The following WDR47 variants were observed in gnomAD, a reference collection of about 807,000 sequenced individuals.
WDR47 encodes WD repeat domain 47.
A neutral mutation model predicts 97.2 loss-of-function variants in WDR47; 32 were observed. The ratio of observed to expected loss-of-function variants is 0.33; its 90% CI spans 0.25 to 0.44. The LOEUF is 0.44. Among genes scored for constraint, WDR47 ranks in the 20% least tolerant of loss-of-function variants. WDR47 has a pLI of 1.00. For synonymous variants in WDR47, 375 were observed against 373.5 expected, an observed-to-expected ratio of 1.00 and a Z score of -0.05; for missense variants, 782 against 1,102.3, an observed-to-expected ratio of 0.71 and a Z score of 4.11.
intron 2 of WDR47, among the ~76,000 whole-genome samples, chr1:109,023,134 C>T (rs552598789): frequency 6.6e-6 from 1 of 151,848 alleles, no homozygotes; most frequent in South Asian, 2.1e-4. Context: ...ACCCGGGAGG[C>T]GGAGCTTGCA....
Position 109,027,432 on chromosome 1 carries a change from A to G in WDR47, c.-9-3911T>C, listed in dbSNP as rs186530048. On this transcript the variant is annotated intron_variant, in intron 1 of 14. Coordinates refer to ENST00000369962, the MANE Select transcript of WDR47 (RefSeq NM_001142551.2). ...AGGCATAGGCACATGCTTGATGACTATATCTTAGAATTATTCTCTTCTAAC... is the reference window on the plus strand; with the variant it reads ...AGGCATAGGCACATGCTTGATGACTGTATCTTAGAATTATTCTCTTCTAAC... 3.1e-3 allele frequency among the ~76,000 whole-genome samples: 476 copies of G among 152,278 alleles called. 2 individuals carry two copies. The highest frequency in any genetic ancestry group is 6.0e-3 in the Admixed American group (91 of 15,272).
chr1:109,011,046 G>T lies in WDR47; in HGVS notation c.1000C>A (p.Leu334Ile), dbSNP rs762307208. The stretch of plus-strand genomic sequence containing the variant: ...GACATTGGAGAAGTTTTGTTTCCAA[G>T]GTCTGAAATTCTCTTATCATGACTG... ...LTSHDKRISD[L>I]GNKTSPMSHS... Residue 334 changes from leucine (L) to isoleucine (I), a missense_variant, in exon 5 of 15, where the codon CTT becomes ATT. Transcript: ENST00000369962. The T allele has an allele frequency of 6.2e-7, 1 of 1,613,990 alleles. No homozygotes were observed. The highest frequency in any genetic ancestry group is 1.3e-5 in the African/African-American group (1 of 74,894).
chr1:108,980,905 A>G lies in WDR47; in HGVS notation c.2398+828T>C, dbSNP rs9803642. Among the ~76,000 whole-genome samples, 1,371 of 152,188 alleles carry G rather than the reference A, an allele frequency of 9.0e-3. 26 individuals are homozygous for G. Among genetic ancestry groups the G allele is most frequent in the African/African-American group, 0.032 (1,315 of 41,506 alleles). ...CACTGTGGGAGGCTGAGGCAAGCAG[A>G]TCATGAGGATAGGAGATCAAGACCA... is the stretch of plus-strand genomic sequence containing the variant. On this transcript the variant is annotated intron_variant, in intron 13 of 14. Transcript: ENST00000369962.
At chr1:108,996,386 A>G (rs1173236428) in intron 7 of WDR47, among the ~76,000 whole-genome samples, 1 of 152,176 alleles carries the variant, frequency 6.6e-6, no homozygotes, top group Admixed American at 6.6e-5. Flanking sequence ...CAGCTTTTAC[A>G]ATAAAAACAG....
At position 109,042,023 on chromosome 1, in the gene WDR47, C is replaced by CCAT. The variant is rs1557974631; in HGVS notation, c.-174_-172dup. 2 of 152,452 alleles carry CCAT rather than the reference C, an allele frequency of 1.3e-5. No homozygotes were observed. Among genetic ancestry groups the CCAT allele is most frequent in the Admixed American group, 1.3e-4 (2 of 15,280 alleles). 9.4% of individuals were successfully genotyped at this position (152,452 alleles called of 1,614,324 possible). ...TCCCTCCTACCGCCCGCGCGTCAAT[C>CCAT]CATCAGTTCGTCAATCCGTCCTTCT... On this transcript the variant is annotated 5_prime_UTR_variant, in exon 1 of 15. The change creates a new upstream start codon in the 5' untranslated region. Transcript: ENST00000369962.
At chr1:109,025,330 C>T (rs1222876931) in intron 1 of WDR47, among the ~76,000 whole-genome samples, 1 of 150,530 alleles carries the variant, frequency 6.6e-6, no homozygotes, top group African/African-American at 2.5e-5. Context: ...ACTCAGGAGG[C>T]TGAGGTGGAA....
chr1:109,034,640 A>G (rs1571263446), intron 1 of WDR47, among the ~76,000 whole-genome samples: 2 of 152,114 alleles, frequency 1.3e-5, no homozygotes, highest in East Asian at 3.9e-4. Flanking sequence ...CGGACCCTAC[A>G]TATGAGGGAT....
At chr1:109,033,067 A>AGGT (rs1662709148) in intron 1 of WDR47, among the ~76,000 whole-genome samples, 1 of 151,232 alleles carries the variant, frequency 6.6e-6, no homozygotes, top group South Asian at 2.1e-4. Flanking sequence ...AGGCCAAGGC[A>AGGT]GGTGGATCAT....
Position 108,974,570 on chromosome 1 carries a change from A to G in WDR47, c.2583T>C (p.Ser861=). The change falls in exon 14 of 15, where the codon TCT becomes TCC. Residue 861 remains serine, a synonymous_variant. Coordinates refer to ENST00000369962, the MANE Select transcript of WDR47 (RefSeq NM_001142551.2). ...CTGTCACCTTTATTTTCATATCATA[A>G]GAGCCTGTTAGCAAGTAGTGAGCTC... The part of the protein sequence containing the change: ...SPGAHYLLTG[S]YDMKIKVTDL... The G allele has an allele frequency of 6.2e-7, 1 of 1,614,126 alleles. No individual in the cohort carries two copies.
intron 10 of WDR47, among the ~76,000 whole-genome samples, chr1:108,985,244 T>C (rs1037307821): frequency 1.3e-5 from 2 of 152,196 alleles, no homozygotes; most frequent in Non-Finnish European, 2.9e-5. Context: ...TCTGCGGCCT[T>C]ATCAAACTCA....
intron 9 of WDR47, among the ~76,000 whole-genome samples, chr1:108,988,156 G>A (rs1658994489): frequency 6.9e-6 from 1 of 144,996 alleles, no homozygotes; most frequent in Admixed American, 7.0e-5. Flanking sequence ...GAGGTGGGAG[G>A]ATCGATTGAG....
intron 1 of WDR47, among the ~76,000 whole-genome samples, chr1:109,027,000 A>T (rs1662258553): frequency 6.6e-6 from 1 of 152,148 alleles, no homozygotes; most frequent in Non-Finnish European, 1.5e-5. Context: ...AAAAAAGACA[A>T]GTTTTAATTC....
intron 1 of WDR47, chr1:109,030,094 C>G (rs1662515352): frequency 5.5e-6 from 5 of 902,052 alleles, no homozygotes; most frequent in Non-Finnish European, 8.0e-6. Flanking sequence ...CTCCTTCATC[C>G]CTCCCCAGAA....
chr1:109,005,103 A>G (rs1660496766), intron 5 of WDR47, among the ~76,000 whole-genome samples: 1 of 152,024 alleles, frequency 6.6e-6, no homozygotes, highest in Non-Finnish European at 1.5e-5. Context: ...AGAAATTTTA[A>G]TTTTAAAAAA....
intron 1 of WDR47, among the ~76,000 whole-genome samples, chr1:109,035,816 CTTT>C (rs200992563): frequency 1.4e-5 from 2 of 143,472 alleles, no homozygotes; most frequent in Admixed American, 7.0e-5. Context: ...TTTGTATCTT[CTTT>C]TTTTTTTTTT....
At chr1:108,997,506 C>G (rs2101885885) in intron 7 of WDR47, among the ~76,000 whole-genome samples, 1 of 151,692 alleles carries the variant, frequency 6.6e-6, no homozygotes, top group East Asian at 1.9e-4. Flanking sequence ...CCTGTAATCC[C>G]AGCACTTTGG....
chr1:108,977,399 C>A (rs547891916), intron 13 of WDR47, among the ~76,000 whole-genome samples: 16 of 152,098 alleles, frequency 1.1e-4, no homozygotes, highest in Non-Finnish European at 2.2e-4. Flanking sequence ...GGAAATCCAC[C>A]CACCTCGGCC....
At chr1:109,014,813 A>G (rs543366576) in intron 3 of WDR47, among the ~76,000 whole-genome samples, 57 of 152,346 alleles carry the variant, frequency 3.7e-4, no homozygotes, top group African/African-American at 1.2e-3. Context: ...CTAAGAATCA[A>G]AAGCTTTATT....
intron 2 of WDR47, among the ~76,000 whole-genome samples, chr1:109,018,603 T>G (rs1363848553): frequency 2.6e-5 from 4 of 152,032 alleles, no homozygotes; most frequent in African/African-American, 7.2e-5. Flanking sequence ...TCACTCGAGC[T>G]CAGGAGTTCG....
Sources: allele counts gnomAD v4.1 joint callset (sites outside exome capture counted in the v4.1 genomes callset), GRCh38; gene constraint gnomAD v4.1.1; transcripts MANE v1.5; gene names NCBI Gene and HGNC (gene_info 2026-07-23, HGNC 2026-07-21).